The following PLCXD3 variants were observed in gnomAD, a reference collection of about 807,000 sequenced individuals.
PLCXD3 encodes the protein phosphatidylinositol specific phospholipase C X domain containing 3.
In PLCXD3, 19 loss-of-function variants were observed where a neutral mutation model predicts 25.5. The ratio of observed to expected loss-of-function variants is 0.75; its 90% CI spans 0.52 to 1.09. The LOEUF (loss-of-function observed/expected upper bound fraction) is 1.09. PLCXD3 is among the 50% of genes least tolerant of loss of function. PLCXD3 has a pLI of 0.00. For missense variants in PLCXD3, 411 were observed against 388.1 expected (o/e 1.06, Z -0.50); for synonymous variants, 174 against 137.6 (o/e 1.26, Z -1.85).
At chr5:41,482,608 AC>A (rs1342451282) in intron 1 of PLCXD3, among the ~76,000 whole-genome samples, 1 of 152,198 alleles carries the variant, frequency 6.6e-6, no homozygotes, top group Non-Finnish European at 1.5e-5. Context: ...AGAGGAGCAA[AC>A]AAACTTATTG....
chr5:41,315,134 A>G (rs80335734), intron 2 of PLCXD3, among the ~76,000 whole-genome samples: 31 of 152,274 alleles, frequency 2.0e-4, no homozygotes, highest in African/African-American at 7.2e-4. Context: ...AGGTGATGTT[A>G]ATGATGATGT....
At chr5:41,491,480 G>T (rs574420360) in intron 1 of PLCXD3, among the ~76,000 whole-genome samples, 1 of 152,102 alleles carries the variant, frequency 6.6e-6, no homozygotes, top group Non-Finnish European at 1.5e-5. Flanking sequence ...TTCAATTCCT[G>T]GGTATCCTTG....
chr5:41,487,355 TG>T (rs1262343349), intron 1 of PLCXD3, among the ~76,000 whole-genome samples: 1 of 152,188 alleles, frequency 6.6e-6, no homozygotes, highest in Non-Finnish European at 1.5e-5. Flanking sequence ...CTACTCTTTT[TG>T]GGTTCTCTTT....
intron 1 of PLCXD3, among the ~76,000 whole-genome samples, chr5:41,478,233 C>T (rs567362854): frequency 6.6e-6 from 1 of 152,272 alleles, no homozygotes; most frequent in South Asian, 2.1e-4. Flanking sequence ...GGTCTCAATT[C>T]CTCAATTCTC....
chr5:41,469,498 CT>C (rs35338656), intron 1 of PLCXD3, among the ~76,000 whole-genome samples: 1,724 of 146,506 alleles, frequency 0.012, 30 homozygotes, highest in African/African-American at 0.04. Flanking sequence ...TTGTGAGCTG[CT>C]TTTTTTTTTT....
At chr5:41,325,087 G>C (rs534286536) in intron 2 of PLCXD3, among the ~76,000 whole-genome samples, 3 of 152,324 alleles carry the variant, frequency 2.0e-5, no homozygotes, top group Non-Finnish European at 4.4e-5. Flanking sequence ...TCCCCACGGA[G>C]AGGTTAGGAG....
intron 1 of PLCXD3, among the ~76,000 whole-genome samples, chr5:41,420,058 T>C (rs1470002751): frequency 6.6e-6 from 1 of 152,230 alleles, no homozygotes; most frequent in African/African-American, 2.4e-5. Context: ...GTCAAATGTG[T>C]TGTTGCTATA....
intron 1 of PLCXD3, among the ~76,000 whole-genome samples, chr5:41,418,643 A>AGTCT (rs1746747492): frequency 6.6e-6 from 1 of 152,176 alleles, no homozygotes; most frequent in African/African-American, 2.4e-5. Flanking sequence ...TTATGAATCA[A>AGTCT]ACCACATTAA....
chr5:41,382,406 C>T lies in PLCXD3; in HGVS notation c.232G>A (p.Ala78Thr), dbSNP rs763752523. 6.2e-7 allele frequency: 1 copy of T among 1,613,500 alleles called. No homozygotes were observed. The highest frequency in any genetic ancestry group is 1.1e-5 in the South Asian group (1 of 91,072). The change falls in exon 2 of 3, where the codon GCC (alanine) becomes ACC (threonine). Residue 78 changes from alanine to threonine, a missense_variant. Ala to Thr is a moderately conservative substitution (Grantham distance 58). Transcript: ENST00000377801. ...VAKKLMRKWL[A>T]TQTMNFTGQL... ...CCAGTAAAATTCATTGTCTGAGTGG[C>T]TAACCATTTCCGCATGAGCTTTTTG...
At chr5:41,353,128 T>A (rs184392009) in intron 2 of PLCXD3, among the ~76,000 whole-genome samples, 18 of 150,928 alleles carry the variant, frequency 1.2e-4, no homozygotes, top group African/African-American at 3.7e-4. Context: ...AGTCTCGCTC[T>A]GTTGCCCAGG....
At chr5:41,455,159 A>G (rs1305660795) in intron 1 of PLCXD3, among the ~76,000 whole-genome samples, 1 of 151,948 alleles carries the variant, frequency 6.6e-6, no homozygotes, top group African/African-American at 2.4e-5. Flanking sequence ...TTAGGTGGGG[A>G]CACAAAGCCT....
At chr5:41,455,553 C>T (rs1747734060) in intron 1 of PLCXD3, among the ~76,000 whole-genome samples, 1 of 151,664 alleles carries the variant, frequency 6.6e-6, no homozygotes, top group East Asian at 1.9e-4. Flanking sequence ...AACCCAGAAA[C>T]TGAAGAGAAA....
chr5:41,431,309 C>G (rs1561271439), intron 1 of PLCXD3, among the ~76,000 whole-genome samples: 1 of 152,212 alleles, frequency 6.6e-6, no homozygotes, highest in Non-Finnish European at 1.5e-5. Context: ...TTAATTTACA[C>G]TCCTCTGAAT....
At chr5:41,461,776 C>T (rs1233014382) in intron 1 of PLCXD3, among the ~76,000 whole-genome samples, 5 of 151,956 alleles carry the variant, frequency 3.3e-5, no homozygotes, top group Non-Finnish European at 7.4e-5. Flanking sequence ...AGCAGTATCA[C>T]GGTCAGAACT....
chr5:41,354,526 A>AT (rs1317943405), intron 2 of PLCXD3, among the ~76,000 whole-genome samples: 2 of 151,628 alleles, frequency 1.3e-5, no homozygotes, highest in African/African-American at 2.4e-5. Flanking sequence ...ATCTCTGTCC[A>AT]TTTTTTTCAA....
At chr5:41,445,881 A>G (rs1235402459) in intron 1 of PLCXD3, among the ~76,000 whole-genome samples, 1 of 152,140 alleles carries the variant, frequency 6.6e-6, no homozygotes, top group Non-Finnish European at 1.5e-5. Flanking sequence ...AACAGTAAGT[A>G]TTTAAATTAA....
intron 1 of PLCXD3, chr5:41,475,526 A>C (rs1027236807): frequency 2.1e-6 from 1 of 487,018 alleles, no homozygotes; most frequent in Non-Finnish European, 4.2e-6. Flanking sequence ...ATTTGTCTCT[A>C]TCTCTATTTA....
In PLCXD3 at chr5:41,449,815, A is replaced by T. The variant is rs148573906; in HGVS notation, c.103+60609T>A. Among the ~76,000 whole-genome samples the T allele has an allele frequency of 1.9e-3, 291 of 152,242 alleles. 2 individuals are homozygous for T. The highest frequency in any genetic ancestry group is 6.4e-3 in the African/African-American group (266 of 41,562). ...TCCAACCACAGGACCTTGCATTAAA[A>T]AGCCATTGGTGGGCATAGGAATGGG... On this transcript the variant is annotated intron_variant, in intron 1 of 2. Transcript: ENST00000377801.
intron 1 of PLCXD3, among the ~76,000 whole-genome samples, chr5:41,437,746 A>G (rs1007087666): frequency 6.6e-6 from 1 of 152,188 alleles, no homozygotes; most frequent in Admixed American, 6.5e-5. Flanking sequence ...ATATTCAAGC[A>G]TTGGGGCAGC....
Sources: gnomAD v4.1 joint callset for allele counts (sites outside exome capture counted in the v4.1 genomes callset) on GRCh38, gnomAD v4.1.1 for gene constraint, MANE v1.5 for transcripts, NCBI Gene and HGNC (gene_info 2026-07-23, HGNC 2026-07-21) for gene names.